The following DENND2B variants were observed in gnomAD, a reference collection of about 807,000 sequenced individuals.
The protein encoded by DENND2B is DENN domain-containing protein 2B.
In DENND2B, 32 loss-of-function variants were observed where a neutral mutation model predicts 116.0. The observed-to-expected ratio is 0.28, with a 90% CI of 0.21 to 0.37. The LOEUF (loss-of-function observed/expected upper bound fraction) is 0.37. Among genes scored for constraint, DENND2B ranks in the 10% least tolerant of loss-of-function variants. DENND2B has a pLI of 1.00. For missense variants in DENND2B, 1,276 were observed against 1,477.7 expected (o/e 0.86, Z 2.24); for synonymous variants, 588 against 583.9 (o/e 1.01, Z -0.10).
chr11:8,840,556 C>G (rs1284477370), intron 3 of DENND2B, among the ~76,000 whole-genome samples: 2 of 152,192 alleles, frequency 1.3e-5, no homozygotes, highest in Non-Finnish European at 2.9e-5. Context: ...TCTGTGCCTT[C>G]TCCTGTAGAT....
chr11:8,747,944 C>T (rs752589085), intron 2 of DENND2B, among the ~76,000 whole-genome samples: 3 of 152,306 alleles, frequency 2.0e-5, no homozygotes, highest in Middle Eastern at 3.4e-3. Context: ...TGAAGTCTTA[C>T]ACAAATTAAG....
intron 3 of DENND2B, among the ~76,000 whole-genome samples, chr11:8,844,332 C>T (rs1364637034): frequency 2.0e-5 from 3 of 152,140 alleles, no homozygotes; most frequent in South Asian, 2.1e-4. Flanking sequence ...CCCGGGAGAT[C>T]GAGGCTGCAG....
intron 1 of DENND2B, among the ~76,000 whole-genome samples, chr11:8,788,262 C>T (rs375335087): frequency 2.6e-5 from 4 of 152,246 alleles, no homozygotes; most frequent in African/African-American, 9.6e-5. Context: ...GCAAAGGGAT[C>T]CCTCAGGGAT....
chr11:8,780,254 G>A (rs2058245100), intron 1 of DENND2B, among the ~76,000 whole-genome samples: 1 of 152,194 alleles, frequency 6.6e-6, no homozygotes, highest in African/African-American at 2.4e-5. Context: ...CTTCCACTCT[G>A]TAGGGTGAAT....
chr11:8,720,784 G>A (rs78240133), intron 4 of DENND2B, among the ~76,000 whole-genome samples: 3 of 152,192 alleles, frequency 2.0e-5, no homozygotes, highest in African/African-American at 7.2e-5. Flanking sequence ...CTGAGTCCTG[G>A]ACCACTAAAC....
intron 1 of DENND2B, among the ~76,000 whole-genome samples, chr11:8,780,223 T>G (rs1327581362): frequency 6.6e-6 from 1 of 152,118 alleles, no homozygotes; most frequent in Admixed American, 6.6e-5. Flanking sequence ...ATGCATCAGG[T>G]ATGGGTCCAT....
chr11:8,873,177 C>T (rs1261620945), upstream of DENND2B, among the ~76,000 whole-genome samples: 1 of 152,194 alleles, frequency 6.6e-6, no homozygotes, highest in Non-Finnish European at 1.5e-5. Context: ...ACTAAAGTCC[C>T]GTTTTTCTTG....
rs542187185 is a variant in DENND2B at position 8,729,135 on chromosome 11, C to T, written c.1340+815G>A. ...AACTAAAGAATCCCCAGAAGTGAAA[C>T]AAACCTGAATACCCATCAGTCGTGG... is the stretch of plus-strand genomic sequence containing the variant. On this transcript the variant is annotated intron_variant, in intron 3 of 19. Coordinates refer to ENST00000313726, the MANE Select transcript of DENND2B (RefSeq NM_213618.2). Among the ~76,000 whole-genome samples the T allele has an allele frequency of 1.5e-4, 23 of 152,266 alleles. No individual in the cohort carries two copies. In the South Asian group the frequency reaches 4.4e-3, roughly 29 times the overall value.
At chr11:8,902,195 A>C (rs150943697) in intron 1 of DENND2B, among the ~76,000 whole-genome samples, 1 of 152,074 alleles carries the variant, frequency 6.6e-6, no homozygotes, top group East Asian at 1.9e-4. Context: ...GTGTGGTGGC[A>C]CGCGCCTGTA....
chr11:8,726,363 GAAGA>G (rs1179850776), intron 3 of DENND2B, 154 bp from the exon 4 acceptor site: 12 of 972,254 alleles, frequency 1.2e-5, no homozygotes, highest in Non-Finnish European at 1.8e-5. Context: ...CCATCCAAAT[GAAGA>G]GACAGATGGT....
At chr11:8,831,244 T>G (rs1238878091) in intron 4 of DENND2B, among the ~76,000 whole-genome samples, 1 of 152,100 alleles carries the variant, frequency 6.6e-6, no homozygotes, top group Non-Finnish European at 1.5e-5. Flanking sequence ...ATGTAATGGG[T>G]GTAAAATGGG....
chr11:8,705,055 C>T (rs1209832869), intron 13 of DENND2B, among the ~76,000 whole-genome samples: 1 of 152,066 alleles, frequency 6.6e-6, no homozygotes, highest in African/African-American at 2.4e-5. Flanking sequence ...AATCCAAAAT[C>T]TACTAAGCCA....
In DENND2B at chr11:8,890,117, T is replaced by A. The variant is rs965236400; in HGVS notation, c.-255-9008A>T. 4.7e-4 allele frequency among the ~76,000 whole-genome samples: 71 copies of A among 152,310 alleles called. 1 individual carries two copies. The highest frequency in any genetic ancestry group is 1.6e-3 in the African/African-American group (68 of 41,574). ...ACTGTTCTGCAGCCTCCACTGCTGA[T>A]ACCCAGGCAAACAGGGTCTGGAGTG... On this transcript the variant is annotated intron_variant, in intron 1 of 22. Coordinates refer to the DENND2B transcript ENST00000534127.
chr11:8,801,494 T>C lies in DENND2B; in HGVS notation c.-26+9023A>G, dbSNP rs185477354. 2.5e-3 allele frequency among the ~76,000 whole-genome samples: 385 copies of C among 151,984 alleles called. 2 individuals are homozygous for C. The highest frequency in any genetic ancestry group is 5.1e-3 in the Admixed American group (78 of 15,264). The stretch of plus-strand genomic sequence containing the variant: ...GAGTTCGAGACCAGCCTGAGTAACA[T>C]GGTGAAACCCCGTCTCTACTAAAAT... On this transcript the variant is annotated intron_variant, in intron 1 of 19. Coordinates refer to ENST00000313726, the MANE Select transcript of DENND2B (RefSeq NM_213618.2).
In DENND2B at chr11:8,716,686, C is replaced by T. The variant is rs938428063; in HGVS notation, c.1630-868G>A. 3.5e-4 allele frequency among the ~76,000 whole-genome samples: 53 copies of T among 150,292 alleles called. 1 individual carries two copies. The highest frequency in any genetic ancestry group is 4.4e-5 in the Non-Finnish European group (3 of 67,808). ...TTTTTGAGACGGAGTCTCGCTGTGT[C>T]GCCCAGGTAGGAGTGCAGTGGAGCG... On this transcript the variant is annotated intron_variant, in intron 5 of 19. Transcript: ENST00000313726.
At chr11:8,762,455 C>T (rs940099324) in intron 1 of DENND2B, among the ~76,000 whole-genome samples, 2 of 152,246 alleles carry the variant, frequency 1.3e-5, no homozygotes, top group Admixed American at 6.5e-5. Flanking sequence ...GACCCACTTA[C>T]AGCAACCACA....
chr11:8,718,575 C>T lies in DENND2B; in HGVS notation c.1478-683G>A, dbSNP rs571011420. ...CTACTGTAGTGTCTATTCCCTCTAC[C>T]GCTGATCTCAGCAAAAAGAGAACCA... On this transcript the variant is annotated intron_variant, in intron 4 of 19. Transcript: ENST00000313726. The T allele has an allele frequency of 4.5e-5, 62 of 1,375,504 alleles. No individual in the cohort carries two copies. In the South Asian group the frequency reaches 8.3e-4, roughly 18 times the overall value. The allele number at this position is 1,375,504 out of a possible 1,614,324, so 85.2% of individuals were successfully genotyped here. A position where few individuals can be genotyped will look rare whatever the true frequency, so the allele number is the denominator to read the frequency against.
intron 19 of DENND2B, 29 bp downstream of exon 19, chr11:8,695,434 T>A (rs929987160): frequency 6.3e-7 from 1 of 1,596,072 alleles, no homozygotes; most frequent in African/African-American, 1.3e-5. Context: ...TTGCTGAACA[T>A]CTATCTCATC....
chr11:8,758,362 T>C (rs903120676), intron 1 of DENND2B, among the ~76,000 whole-genome samples: 4 of 152,260 alleles, frequency 2.6e-5, no homozygotes, highest in Middle Eastern at 3.4e-3. Context: ...CGGGATCCAG[T>C]GAAAGCATTA....
Sources: gnomAD v4.1 joint callset for allele counts (sites outside exome capture counted in the v4.1 genomes callset) on GRCh38, gnomAD v4.1.1 for gene constraint, MANE v1.5 for transcripts, NCBI Gene and HGNC (gene_info 2026-07-23, HGNC 2026-07-21) for gene names.